The following RHBDL2 variants were observed in gnomAD, a reference collection of about 807,000 sequenced individuals.
RHBDL2 encodes the protein rhomboid-related protein 2.
In RHBDL2, 26 loss-of-function variants were observed where a neutral mutation model predicts 31.7. The ratio of observed to expected loss-of-function variants is 0.82; its 90% CI spans 0.60 to 1.14. The LOEUF is 1.14. RHBDL2 is among the 50% of genes most tolerant of loss of function. The pLI is 0.00. For synonymous variants in RHBDL2, 123 were observed against 127.2 expected (o/e 0.97, Z 0.22); for missense variants, 336 against 364.4 (o/e 0.92, Z 0.63).
intron 3 of RHBDL2, 31 bp downstream of exon 3, chr1:38,915,531 T>TGATA: frequency 6.2e-7 from 1 of 1,610,838 alleles, no homozygotes; most frequent in Non-Finnish European, 8.5e-7. Flanking sequence ...TAATCACCTC[T>TGATA]GATACCAGGG....
At chr1:38,938,459 C>A (rs1394171421) in intron 1 of RHBDL2, among the ~76,000 whole-genome samples, 1 of 152,080 alleles carries the variant, frequency 6.6e-6, no homozygotes, top group Non-Finnish European at 1.5e-5. Context: ...ATGCCCCAGC[C>A]ACACTGAGCC....
At chr1:38,936,859 C>T (rs1240821480) in intron 1 of RHBDL2, among the ~76,000 whole-genome samples, 2 of 152,100 alleles carry the variant, frequency 1.3e-5, no homozygotes, top group Non-Finnish European at 2.9e-5. Context: ...GTCTTGAACT[C>T]CTGACCTCAA....
At chr1:38,934,090 A>G (rs1250985860) in intron 1 of RHBDL2, among the ~76,000 whole-genome samples, 1 of 152,134 alleles carries the variant, frequency 6.6e-6, no homozygotes, top group Non-Finnish European at 1.5e-5. Flanking sequence ...GCTGACGCAT[A>G]TAATCCCAGC....
Position 38,919,174 on chromosome 1 carries a change from A to G in RHBDL2, c.39T>C (p.Asn13=). ...CTTTCATCTCTCTCCCCATATTCAG[A>G]TTCATGCTCTCCATCTCCAGATCAT... ...AVHDLEMESM[N]LNMGREMKEE... Residue 13 remains asparagine, a synonymous_variant, in exon 2 of 8, where the codon AAT becomes AAC. Coordinates refer to ENST00000372990, the MANE Select transcript of RHBDL2 (RefSeq NM_017821.5). 6.2e-7 allele frequency: 1 copy of G among 1,613,716 alleles called. No individual in the cohort carries two copies. Among genetic ancestry groups the G allele is most frequent in the Non-Finnish European group, 8.5e-7 (1 of 1,179,970 alleles).
At position 38,915,411 on chromosome 1, in the gene RHBDL2, T is replaced by C. The variant is rs1031452957; in HGVS notation, c.395+151A>G. ...GACTACATCTCCTATGCCTCAGACATAAAACAGTGGGAGCAATACCTACCC... is the reference window on the plus strand; with the variant it reads ...GACTACATCTCCTATGCCTCAGACACAAAACAGTGGGAGCAATACCTACCC... On this transcript the variant is annotated intron_variant, in intron 3 of 7. Coordinates refer to ENST00000372990, the MANE Select transcript of RHBDL2 (RefSeq NM_017821.5). 8 of 713,516 alleles carry C rather than the reference T, an allele frequency of 1.1e-5. No homozygotes were observed. The African/African-American group carries it at 1.2e-4, about 11-fold the overall frequency. The allele number at this position is 713,516 out of a possible 1,614,324, so 44.2% of individuals were successfully genotyped here. A position where few individuals can be genotyped will look rare whatever the true frequency, so the allele number is the denominator to read the frequency against.
chr1:38,889,799 C>G (rs1421473681), intron 6 of RHBDL2, among the ~76,000 whole-genome samples: 1 of 152,172 alleles, frequency 6.6e-6, no homozygotes, highest in Non-Finnish European at 1.5e-5. Context: ...CACACCCATC[C>G]CCTAATTCCC....
chr1:38,912,113 A>T (rs1284976408), intron 3 of RHBDL2, among the ~76,000 whole-genome samples: 2 of 151,994 alleles, frequency 1.3e-5, no homozygotes, highest in Admixed American at 1.3e-4. Context: ...CTGTGATTAC[A>T]AGCATGCGCC....
chr1:38,899,528 C>T (rs889376064), intron 4 of RHBDL2, among the ~76,000 whole-genome samples: 38 of 152,224 alleles, frequency 2.5e-4, no homozygotes, highest in African/African-American at 7.5e-4. Flanking sequence ...ATGCTGACCC[C>T]TGAACTCCTA....
intron 4 of RHBDL2, among the ~76,000 whole-genome samples, chr1:38,909,539 C>T (rs796278175): frequency 2.0e-5 from 3 of 151,868 alleles, no homozygotes; most frequent in African/African-American, 7.2e-5. Flanking sequence ...GTCAGGAGTT[C>T]GAGACCAGCC....
intron 7 of RHBDL2, among the ~76,000 whole-genome samples, chr1:38,887,250 C>T (rs747349706): frequency 4.6e-5 from 7 of 152,174 alleles, no homozygotes; most frequent in Non-Finnish European, 1.0e-4. Flanking sequence ...GGTCTCAACT[C>T]TGTCGCCCAG....
rs1413242267 is a variant in RHBDL2, at chr1:38,915,484, A to C, written c.395+78T>G. 6 of 1,468,692 alleles carry C rather than the reference A, an allele frequency of 4.1e-6. No homozygotes were observed. In the East Asian group the frequency reaches 1.4e-4, roughly 33 times the overall value. The allele number at this position is 1,468,692 out of a possible 1,614,324, so 91.0% of individuals were successfully genotyped here. On this transcript the variant is annotated intron_variant, in intron 3 of 7. Coordinates refer to ENST00000372990, the MANE Select transcript of RHBDL2 (RefSeq NM_017821.5). ...TGGACATGAAAGTGCCTTATCAATA[A>C]TAAAGCACTCAACAAATGTTAGAGG... is the stretch of plus-strand genomic sequence containing the variant.
At chr1:38,895,188 A>G (rs1370027797) in intron 5 of RHBDL2, among the ~76,000 whole-genome samples, 1 of 152,184 alleles carries the variant, frequency 6.6e-6, no homozygotes, top group East Asian at 1.9e-4. Flanking sequence ...TCTATGATAA[A>G]ATGCAGAACA....
intron 1 of RHBDL2, among the ~76,000 whole-genome samples, chr1:38,924,746 T>TA (rs147691007): frequency 1.8e-4 from 27 of 146,994 alleles, no homozygotes; most frequent in Admixed American, 3.4e-4. Flanking sequence ...TTGACTACCT[T>TA]AAAAAAAAAA....
intron 4 of RHBDL2, among the ~76,000 whole-genome samples, chr1:38,900,051 T>C (rs1475182720): frequency 6.6e-6 from 1 of 152,202 alleles, no homozygotes; most frequent in Non-Finnish European, 1.5e-5. Flanking sequence ...GGTCCAGTGG[T>C]GGGAATAATT....
chr1:38,908,612 T>TG (rs1643100546), intron 4 of RHBDL2, among the ~76,000 whole-genome samples: 1 of 148,942 alleles, frequency 6.7e-6, no homozygotes, highest in South Asian at 2.2e-4. Context: ...GGGCGTGCGA[T>TG]GGGGGTGTTG....
chr1:38,890,182 C>T (rs1427018918), intron 6 of RHBDL2, among the ~76,000 whole-genome samples: 1 of 152,054 alleles, frequency 6.6e-6, no homozygotes, highest in East Asian at 1.9e-4. Context: ...GAACTACAGG[C>T]CCATGCCACC....
At chr1:38,933,310 A>C (rs1255611796) in intron 1 of RHBDL2, among the ~76,000 whole-genome samples, 2 of 152,076 alleles carry the variant, frequency 1.3e-5, no homozygotes, top group Admixed American at 6.6e-5. Context: ...TTGATCCTTC[A>C]TAACCTGTAG....
chr1:38,911,664 G>T (rs994628344), intron 3 of RHBDL2, among the ~76,000 whole-genome samples: 1 of 151,568 alleles, frequency 6.6e-6, no homozygotes, highest in Admixed American at 6.6e-5. Context: ...GCGCGCGTGT[G>T]TGACTTGCTG....
intron 1 of RHBDL2, among the ~76,000 whole-genome samples, chr1:38,936,501 G>GTT (rs71278734): frequency 0.011 from 1,439 of 125,700 alleles, 42 homozygotes; most frequent in African/African-American, 0.039. Context: ...TGCTTTTTGG[G>GTT]TTTTTTTTTT....
Sources: allele counts gnomAD v4.1 joint callset (sites outside exome capture counted in the v4.1 genomes callset), GRCh38; gene constraint gnomAD v4.1.1; transcripts MANE v1.5; gene names NCBI Gene and HGNC (gene_info 2026-07-23, HGNC 2026-07-21).